ABTB3: variants seen among roughly 807,000 people sequenced by gnomAD.
ABTB3 encodes the protein ankyrin repeat- and BTB/POZ domain-containing protein 3.
chr12:107,583,190 G>A, the ABTB3 span, among the ~76,000 whole-genome samples: 1 of 152,174 alleles, frequency 6.6e-6, no homozygotes, highest in Non-Finnish European at 1.5e-5. Flanking sequence ...TGAACGTGCA[G>A]TATCCATTCA....
the ABTB3 span, among the ~76,000 whole-genome samples, chr12:107,390,017 G>T: frequency 6.6e-6 from 1 of 151,966 alleles, no homozygotes; most frequent in East Asian, 1.9e-4. Context: ...GGTATTCAGG[G>T]CTTCCAAAAG....
At chr12:107,591,861 G>A in the ABTB3 span, among the ~76,000 whole-genome samples, 37 of 152,278 alleles carry the variant, frequency 2.4e-4, no homozygotes, top group Middle Eastern at 0.01. Context: ...GAGGAACTTG[G>A]AACTCTGGGA....
At chr12:107,657,627 C>T in the ABTB3 span, 1 of 1,614,142 alleles carries the variant, frequency 6.2e-7, no homozygotes, top group Non-Finnish European at 8.5e-7. Context: ...GGTGAAGGGA[C>T]CGGCCAGGAT....
At chr12:107,617,498 C>T in the ABTB3 span, 1 of 1,589,394 alleles carries the variant, frequency 6.3e-7, no homozygotes, top group South Asian at 1.1e-5. Context: ...TGCAGATTCC[C>T]AGGCCTACCC....
At chr12:107,629,324 G>A in the ABTB3 span, among the ~76,000 whole-genome samples, 1 of 152,180 alleles carries the variant, frequency 6.6e-6, no homozygotes, top group Admixed American at 6.5e-5. Flanking sequence ...CTGGGAGGCT[G>A]AGGTGGGAAG....
the ABTB3 span, among the ~76,000 whole-genome samples, chr12:107,348,254 CACATAT>C: frequency 6.6e-6 from 1 of 151,938 alleles, no homozygotes; most frequent in Non-Finnish European, 1.5e-5. Flanking sequence ...TATATATACA[CACATAT>C]ACATATATGT....
At chr12:107,372,731 C>T in the ABTB3 span, among the ~76,000 whole-genome samples, 118 of 152,282 alleles carry the variant, frequency 7.7e-4, 4 homozygotes, top group Admixed American at 6.7e-3. Context: ...TCAAATGTCC[C>T]GTATGTCCCT....
chr12:107,376,466 A>G, the ABTB3 span, among the ~76,000 whole-genome samples: 114 of 152,328 alleles, frequency 7.5e-4, no homozygotes, highest in African/African-American at 2.6e-3. Flanking sequence ...TAACTGAACA[A>G]TGGGCTTATA....
the ABTB3 span, among the ~76,000 whole-genome samples, chr12:107,346,077 G>A: frequency 6.6e-6 from 1 of 152,212 alleles, no homozygotes; most frequent in African/African-American, 2.4e-5. Flanking sequence ...TCACACCTGG[G>A]GCTGTTGAGA....
the ABTB3 span, chr12:107,374,795 G>A: frequency 5.0e-4 from 78 of 156,988 alleles, no homozygotes; most frequent in African/African-American, 1.8e-3. Flanking sequence ...ACATCTGAGA[G>A]TGTTGATGAA....
the ABTB3 span, among the ~76,000 whole-genome samples, chr12:107,338,285 A>G: frequency 6.6e-6 from 1 of 152,144 alleles, no homozygotes; most frequent in Non-Finnish European, 1.5e-5. Context: ...GAACCCCACA[A>G]CGCCTTATTA....
chr12:107,333,404 C>A, the ABTB3 span, among the ~76,000 whole-genome samples: 1 of 152,090 alleles, frequency 6.6e-6, no homozygotes, highest in African/African-American at 2.4e-5. Context: ...GGGACCTGGG[C>A]TTTGGAGAGG....
the ABTB3 span, among the ~76,000 whole-genome samples, chr12:107,372,066 A>G: frequency 1.0e-2 from 1,523 of 152,308 alleles, 27 homozygotes; most frequent in African/African-American, 0.034. Context: ...AAAAGTGAAG[A>G]CCTATATCTG....
the ABTB3 span, among the ~76,000 whole-genome samples, chr12:107,389,667 T>A: frequency 6.6e-6 from 1 of 151,772 alleles, no homozygotes; most frequent in Non-Finnish European, 1.5e-5. Context: ...AAATTCCGAG[T>A]GTTGACTGAG....
the ABTB3 span, among the ~76,000 whole-genome samples, chr12:107,393,127 CA>C: frequency 6.6e-6 from 1 of 152,192 alleles, no homozygotes; most frequent in Non-Finnish European, 1.5e-5. Flanking sequence ...GTAGGTGACT[CA>C]GGAAACGCTT....
At chr12:107,657,434 T>C in the ABTB3 span, 15 of 1,255,322 alleles carry the variant, frequency 1.2e-5, no homozygotes, top group Non-Finnish European at 1.6e-5. Flanking sequence ...GTGCCATCAT[T>C]AGCTCTGAAG....
the ABTB3 span, among the ~76,000 whole-genome samples, chr12:107,377,050 T>C: frequency 6.6e-6 from 1 of 152,308 alleles, no homozygotes; most frequent in East Asian, 1.9e-4. Context: ...CCTTCAGGAC[T>C]GAAGGGCCTC....
At chr12:107,471,242 A>G in the ABTB3 span, among the ~76,000 whole-genome samples, 1 of 152,180 alleles carries the variant, frequency 6.6e-6, no homozygotes, top group Admixed American at 6.5e-5. Context: ...CATTTTACAG[A>G]TGAGGAAACC....
chr12:107,352,284 CTT>C, the ABTB3 span, among the ~76,000 whole-genome samples: 4 of 152,074 alleles, frequency 2.6e-5, no homozygotes, highest in East Asian at 7.7e-4. Context: ...GTTGTCCAGA[CTT>C]AGAGGGAACA....
Sources: allele counts gnomAD v4.1 joint callset (sites outside exome capture counted in the v4.1 genomes callset), GRCh38; gene constraint gnomAD v4.1.1; transcripts MANE v1.5; gene names NCBI Gene and HGNC (gene_info 2026-07-23, HGNC 2026-07-21).